CNTN4: variants seen among roughly 807,000 people sequenced by gnomAD.
The protein encoded by CNTN4 is contactin 4, also known as contactin-4.
CNTN4 carries 77 observed loss-of-function variants against 122.5 expected under a neutral mutation model. The ratio of observed to expected loss-of-function variants is 0.63; its 90% confidence interval spans 0.52 to 0.76. The LOEUF is 0.76. Among genes scored for constraint, CNTN4 ranks in the 30% least tolerant of loss-of-function variants. The pLI is 0.00. For missense variants in CNTN4, 1,256 were observed against 1,259.1 expected (o/e 1.00, Z 0.04); for synonymous variants, 512 against 447.0 (o/e 1.15, Z -1.83).
intron 3 of CNTN4, among the ~76,000 whole-genome samples, chr3:2,566,048 G>A (rs1307671014): frequency 4.6e-5 from 7 of 152,142 alleles, no homozygotes; most frequent in East Asian, 3.9e-4. Context: ...GTAGCCTTCC[G>A]ACAAAGTCTC....
chr3:2,122,023 G>C (rs1324875480), intron 2 of CNTN4, among the ~76,000 whole-genome samples: 1 of 147,802 alleles, frequency 6.8e-6, no homozygotes, highest in Non-Finnish European at 1.5e-5. Flanking sequence ...GGGCGTGGTG[G>C]CGGCGCCTGT....
intron 12 of CNTN4, among the ~76,000 whole-genome samples, chr3:2,906,626 T>C (rs2094236468): frequency 6.6e-6 from 1 of 151,556 alleles, no homozygotes; most frequent in South Asian, 2.1e-4. Flanking sequence ...TCACCTGAGG[T>C]TGGGAGATCG....
intron 4 of CNTN4, among the ~76,000 whole-genome samples, chr3:2,624,654 C>A (rs2082115426): frequency 8.6e-6 from 1 of 116,950 alleles, no homozygotes; most frequent in African/African-American, 3.4e-5. Flanking sequence ...TTTTTCGAGG[C>A]TGAGTCTCAC....
rs759529981 is a variant in CNTN4, at chr3:2,168,191, G to GT, written c.-145+67557dup. On this transcript the variant is annotated intron_variant, in intron 2 of 24. Transcript: ENST00000418658. ...GTAGACTGTATATTGTTTCAAAAAT[G>GT]TTTTTGGAATGTTTATGAAATTTGA... 3.7e-4 allele frequency among the ~76,000 whole-genome samples: 57 copies of GT among 152,188 alleles called. No individual in the cohort carries two copies. The South Asian group carries it at 0.011, about 30-fold the overall frequency.
chr3:2,674,772 C>CA (rs1017654888), intron 4 of CNTN4, among the ~76,000 whole-genome samples: 4 of 122,566 alleles, frequency 3.3e-5, no homozygotes, highest in Non-Finnish European at 6.9e-5. Context: ...AACAAACAAA[C>CA]AAAAAAACAA....
chr3:2,240,731 C>A (rs1011403325), intron 2 of CNTN4, among the ~76,000 whole-genome samples: 1 of 152,046 alleles, frequency 6.6e-6, no homozygotes, highest in Admixed American at 6.6e-5. Context: ...TATTAAGACA[C>A]TAACATCATT....
At chr3:2,954,483 A>G (rs1207027447) in intron 13 of CNTN4, among the ~76,000 whole-genome samples, 1 of 151,780 alleles carries the variant, frequency 6.6e-6, no homozygotes, top group Non-Finnish European at 1.5e-5. Flanking sequence ...AATTATATTT[A>G]TCAGTTTTTT....
chr3:2,843,650 C>T (rs2150547832), intron 7 of CNTN4, among the ~76,000 whole-genome samples: 1 of 152,204 alleles, frequency 6.6e-6, no homozygotes, highest in East Asian at 1.9e-4. Flanking sequence ...TATGTGGCAC[C>T]TACCCCCCAT....
intron 13 of CNTN4, among the ~76,000 whole-genome samples, chr3:2,955,761 T>C (rs1021689879): frequency 1.4e-4 from 21 of 152,164 alleles, no homozygotes; most frequent in African/African-American, 5.1e-4. Flanking sequence ...ATAGTGCTAA[T>C]GGACGCTGGA....
intron 6 of CNTN4, among the ~76,000 whole-genome samples, chr3:2,796,535 G>C (rs540109767): frequency 6.6e-6 from 1 of 151,918 alleles, no homozygotes; most frequent in Non-Finnish European, 1.5e-5. Context: ...AATAAAACCC[G>C]TACTTAATAC....
intron 3 of CNTN4, among the ~76,000 whole-genome samples, chr3:2,422,177 T>C (rs1306216131): frequency 6.6e-6 from 1 of 152,204 alleles, no homozygotes; most frequent in Admixed American, 6.5e-5. Context: ...GCACTGCCCA[T>C]AGAGGAATGC....
chr3:2,624,399 A>G (rs1393544695), intron 4 of CNTN4, among the ~76,000 whole-genome samples: 1 of 152,110 alleles, frequency 6.6e-6, no homozygotes, highest in Non-Finnish European at 1.5e-5. Context: ...TATATTCAGT[A>G]CAATATATTT....
intron 2 of CNTN4, among the ~76,000 whole-genome samples, chr3:2,134,009 T>C (rs543874951): frequency 2.0e-5 from 3 of 152,306 alleles, no homozygotes; most frequent in Non-Finnish European, 4.4e-5. Flanking sequence ...TTAAAACTGA[T>C]GAAATTTTAA....
At chr3:2,398,652 A>T (rs916686318) in intron 3 of CNTN4, among the ~76,000 whole-genome samples, 1 of 152,102 alleles carries the variant, frequency 6.6e-6, no homozygotes, top group African/African-American at 2.4e-5. Flanking sequence ...CAGACTATGA[A>T]ATTTTGTTCA....
chr3:2,785,711 C>T (rs952881356), intron 6 of CNTN4, among the ~76,000 whole-genome samples: 4 of 152,130 alleles, frequency 2.6e-5, no homozygotes, highest in African/African-American at 7.2e-5. Context: ...ATAATTTGTG[C>T]TACCACCCCA....
At chr3:2,730,181 C>T (rs1286349862) in intron 4 of CNTN4, among the ~76,000 whole-genome samples, 1 of 152,096 alleles carries the variant, frequency 6.6e-6, no homozygotes, top group Non-Finnish European at 1.5e-5. Context: ...GAGATATCCT[C>T]AGGATGACAC....
intron 4 of CNTN4, among the ~76,000 whole-genome samples, chr3:2,615,740 G>C (rs1215699909): frequency 1.3e-5 from 2 of 152,048 alleles, no homozygotes; most frequent in Non-Finnish European, 2.9e-5. Context: ...TTTAAAGTTT[G>C]GACAAATTTA....
chr3:2,531,583 A>G (rs142829109), intron 3 of CNTN4, among the ~76,000 whole-genome samples: 1 of 152,282 alleles, frequency 6.6e-6, no homozygotes, highest in East Asian at 1.9e-4. Flanking sequence ...AGAGTAGTAT[A>G]ATGATTGCCA....
At chr3:2,607,610 C>CCACACA (rs61707029) in intron 4 of CNTN4, among the ~76,000 whole-genome samples, 4 of 145,480 alleles carry the variant, frequency 2.7e-5, no homozygotes, top group Admixed American at 6.9e-5. Flanking sequence ...ACATATGCAT[C>CCACACA]CACACACACA....
Sources: allele counts gnomAD v4.1 joint callset (sites outside exome capture counted in the v4.1 genomes callset), GRCh38; gene constraint gnomAD v4.1.1; transcripts MANE v1.5; gene names NCBI Gene and HGNC (gene_info 2026-07-23, HGNC 2026-07-21).